TEKT3: variants seen among roughly 807,000 people sequenced by gnomAD.
TEKT3 encodes tektin 3, also known as tektin-3.
In TEKT3, 49 loss-of-function variants were observed where a neutral mutation model predicts 49.8. The ratio of observed to expected loss-of-function variants is 0.98; its 90% CI spans 0.78 to 1.25. TEKT3 has a LOEUF of 1.25. TEKT3 is among the 50% of genes most tolerant of loss of function. The probability of loss-of-function intolerance (pLI) is 0.00; values close to 1 mark genes in which losing one functional copy is unlikely to be tolerated. For missense variants in TEKT3, 595 were observed against 629.5 expected, an observed-to-expected ratio of 0.95 and a Z score of 0.59; for synonymous variants, 225 against 237.2, an observed-to-expected ratio of 0.95 and a Z score of 0.47.
intron 2 of TEKT3, among the ~76,000 whole-genome samples, chr17:15,333,695 G>A (rs994332480): frequency 9.9e-5 from 15 of 151,634 alleles, no homozygotes; most frequent in African/African-American, 3.4e-4. Context: ...ACTTCAAGTG[G>A]TGATGGACCA....
At position 15,303,827 on chromosome 17, in the gene TEKT3, C is replaced by A; in HGVS notation, c.*109G>T. 1 of 1,050,536 alleles carries A rather than the reference C, an allele frequency of 9.5e-7. No individual in the cohort carries two copies. The highest frequency in any genetic ancestry group is 1.5e-5 in the South Asian group (1 of 67,456). The allele number at this position is 1,050,536 out of a possible 1,614,324, so 65.1% of individuals were successfully genotyped here. A position where few individuals can be genotyped will look rare whatever the true frequency, so the allele number is the denominator to read the frequency against. ...AGACAGGAGGTTGGTACATTTCCAT[C>A]AGCATAATCCTTTAATAAGTGACTA... On this transcript the variant is annotated 3_prime_UTR_variant, in exon 9 of 9. Transcript: ENST00000395930.
intron 8 of TEKT3, 78 bp downstream of exon 8, chr17:15,308,586 A>T: frequency 1.3e-6 from 2 of 1,543,616 alleles, no homozygotes; most frequent in Non-Finnish European, 1.8e-6. Flanking sequence ...GGCAGAAAGC[A>T]GCTTTCTAAA....
At position 15,303,962 on chromosome 17, in the gene TEKT3, T is replaced by C; in HGVS notation, c.1447A>G (p.Thr483Ala). 1 of 1,613,318 alleles carries C rather than the reference T, an allele frequency of 6.2e-7. No individual in the cohort carries two copies. The highest frequency in any genetic ancestry group is 8.5e-7 in the Non-Finnish European group (1 of 1,179,896). The change falls in exon 9 of 9, where the codon ACC (threonine) becomes GCC (alanine). Residue 483 changes from threonine to alanine, a missense_variant. Thr to Ala is a moderately conservative substitution (Grantham distance 58). Coordinates refer to ENST00000395930, the MANE Select transcript of TEKT3 (RefSeq NM_031898.3). ...CMSMRKSYPN[T>A]LRLVGFC is the part of the protein sequence containing the mutation. ...TAGCAGAAGCCGACCAGCCGGAGGGTGTTGGGGTAGCTCTTGCGCATGCTC... is the reference window on the plus strand; with the variant it reads ...TAGCAGAAGCCGACCAGCCGGAGGGCGTTGGGGTAGCTCTTGCGCATGCTC...
rs1910434118 is a variant in TEKT3, at chr17:15,304,064, C to T, written c.1345G>A (p.Val449Ile). Residue 449 changes from valine to isoleucine, a missense_variant, in exon 9 of 9, where the codon GTC becomes ATC. By Grantham distance (29) the Val-to-Ile change is conservative. Transcript: ENST00000395930. The surrounding 1 kb of genome is among the most constrained non-coding windows in gnomAD (Gnocchi z 4.7). Reference protein sequence around the residue: ...RDAEDTLQSLVHIKATLEYDL... With the variant: ...RDAEDTLQSLIHIKATLEYDL... Reference sequence around the variant, plus strand: ...TACTCGAGTGTGGCTTTGATGTGGACCAGCGACTGCAGGGTGTCCTCTGCA... The same window carrying T: ...TACTCGAGTGTGGCTTTGATGTGGATCAGCGACTGCAGGGTGTCCTCTGCA... 6.2e-7 allele frequency: 1 copy of T among 1,614,020 alleles called. No homozygotes were observed. The highest frequency in any genetic ancestry group is 1.3e-5 in the African/African-American group (1 of 74,914).
intron 2 of TEKT3, among the ~76,000 whole-genome samples, chr17:15,335,097 G>T (rs1212320265): frequency 1.3e-5 from 2 of 152,200 alleles, no homozygotes; most frequent in South Asian, 4.1e-4. Flanking sequence ...AAGGTATTGT[G>T]CCTAAAGGCA....
intron 5 of TEKT3, among the ~76,000 whole-genome samples, chr17:15,318,732 G>A (rs986788267): frequency 4.6e-5 from 7 of 152,118 alleles, no homozygotes; most frequent in Non-Finnish European, 8.8e-5. Flanking sequence ...TAGAGCAGAG[G>A]TCTCATTACA....
intron 2 of TEKT3, 139 bp from the exon 3 acceptor site, chr17:15,331,753 C>T (rs751592826): frequency 6.1e-5 from 38 of 626,970 alleles, no homozygotes; most frequent in Non-Finnish European, 9.5e-5. Flanking sequence ...ATTTGTTATC[C>T]ACATTCACCA....
At chr17:15,323,589 G>A (rs551409486) in intron 4 of TEKT3, among the ~76,000 whole-genome samples, 1 of 152,288 alleles carries the variant, frequency 6.6e-6, no homozygotes, top group East Asian at 1.9e-4. Context: ...AAAATATTTC[G>A]TTGCATCCAT....
At chr17:15,339,109 G>C (rs891563809) in intron 2 of TEKT3, among the ~76,000 whole-genome samples, 21 of 152,098 alleles carry the variant, frequency 1.4e-4, no homozygotes, top group African/African-American at 4.1e-4. Flanking sequence ...ATGGAATAAT[G>C]CCATTATTGT....
chr17:15,331,050 T>G lies in TEKT3; in HGVS notation c.536A>C (p.Lys179Thr), dbSNP rs1911706810. 1 of 1,613,946 alleles carries G rather than the reference T, an allele frequency of 6.2e-7. No homozygotes were observed. Among genetic ancestry groups the G allele is most frequent in the African/African-American group, 1.3e-5 (1 of 74,918 alleles). ...GETNALTDVK[K>T]RLERALMETE... ...CTCCATCAAAGCCCGCTCCAGTCTT[T>G]TCTTCACATCAGTAAGTGCATTTGT... The change falls in exon 3 of 9, where the codon AAA (lysine) becomes ACA (threonine). Residue 179 changes from lysine (K) to threonine (T), a missense_variant. Transcript: ENST00000395930.
intron 8 of TEKT3, among the ~76,000 whole-genome samples, chr17:15,308,317 G>A (rs1485285757): frequency 6.6e-6 from 1 of 152,156 alleles, no homozygotes; most frequent in Non-Finnish European, 1.5e-5. Flanking sequence ...ATGAGTTAAA[G>A]GCTTAATAGC....
rs184700642 is a variant in TEKT3 at position 15,315,528 on chromosome 17, A to T, written c.735-1298T>A. On this transcript the variant is annotated intron_variant, in intron 5 of 8. Coordinates refer to ENST00000395930, the MANE Select transcript of TEKT3 (RefSeq NM_031898.3). The stretch of plus-strand genomic sequence containing the variant: ...GAAGGAAGCAAGAAGAAGTATTCAG[A>T]TTCTGGATATGGTTTGAAGATAGAA... 3.4e-3 allele frequency among the ~76,000 whole-genome samples: 510 copies of T among 151,830 alleles called. 1 individual carries two copies. The highest frequency in any genetic ancestry group is 0.012 in the African/African-American group (502 of 41,422).
intron 2 of TEKT3, among the ~76,000 whole-genome samples, chr17:15,333,256 A>G (rs1911846242): frequency 6.6e-6 from 1 of 152,174 alleles, no homozygotes; most frequent in Admixed American, 6.5e-5. Flanking sequence ...ATCAGATCCA[A>G]TTCTATGCAC....
chr17:15,313,260 G>A (rs1313898625), intron 6 of TEKT3, among the ~76,000 whole-genome samples: 2 of 152,190 alleles, frequency 1.3e-5, no homozygotes, highest in African/African-American at 2.4e-5. Context: ...TGAAAAATCA[G>A]ACAGGCTATA....
At chr17:15,341,293 A>G (rs1054456585) in intron 1 of TEKT3, among the ~76,000 whole-genome samples, 5 of 152,222 alleles carry the variant, frequency 3.3e-5, no homozygotes, top group Admixed American at 1.3e-4. Context: ...AAAACCCTTG[A>G]AAAGCATCAG....
chr17:15,310,694 G>C (rs76515704), intron 7 of TEKT3, among the ~76,000 whole-genome samples: 3 of 152,012 alleles, frequency 2.0e-5, no homozygotes, highest in African/African-American at 7.2e-5. Context: ...CACAGTCTGT[G>C]GTACTTTGAG....
chr17:15,319,462 A>T (rs969504938), intron 4 of TEKT3, among the ~76,000 whole-genome samples: 2 of 152,184 alleles, frequency 1.3e-5, no homozygotes, highest in Non-Finnish European at 1.5e-5. Context: ...TAAAAAAAAA[A>T]AATTCTGGTA....
At position 15,331,458 on chromosome 17, in the gene TEKT3, G is replaced by A. The variant is rs1256406944; in HGVS notation, c.128C>T (p.Thr43Ile). 1.2e-6 allele frequency: 2 copies of A among 1,614,000 alleles called. No homozygotes were observed. The highest frequency in any genetic ancestry group is 1.7e-6 in the Non-Finnish European group (2 of 1,180,032). Residue 43 changes from threonine (T) to isoleucine (I), a missense_variant, in exon 3 of 9, where the codon ACC becomes ATC. Physicochemically the swap from Thr to Ile is moderately conservative, Grantham distance 89 (BLOSUM62 -1). Transcript: ENST00000395930. ...YRDRFPHSNL[T>I]HSLSLPWRPS... ...TCTCCAAGGAAGGCTCAGGCTATGGGTCAAATTGGAGTGGGGAAAGCGGTC... is the reference window on the plus strand; with the variant it reads ...TCTCCAAGGAAGGCTCAGGCTATGGATCAAATTGGAGTGGGGAAAGCGGTC...
At chr17:15,328,211 C>T in intron 3 of TEKT3, 136 bp from the exon 4 acceptor site, 2 of 685,124 alleles carry the variant, frequency 2.9e-6, no homozygotes, top group Non-Finnish European at 5.1e-6. Flanking sequence ...GAAAATCTAG[C>T]CTGAAACAGA....
Sources: allele counts gnomAD v4.1 joint callset (sites outside exome capture counted in the v4.1 genomes callset), GRCh38; gene constraint gnomAD v4.1.1; non-coding constraint Gnocchi (gnomAD v3.1); transcripts MANE v1.5; gene names NCBI Gene and HGNC (gene_info 2026-07-23, HGNC 2026-07-21).